CAST: variants seen among roughly 807,000 people sequenced by gnomAD.
CAST encodes MIR583 host.
CAST carries 76 observed loss-of-function variants against 119.6 expected under a neutral mutation model. That is an observed-to-expected ratio of 0.64 (90% CI 0.53 to 0.77). The LOEUF (loss-of-function observed/expected upper bound fraction) is 0.77, where lower values mean the gene tolerates loss of function less well. Among genes scored for constraint, CAST ranks in the 30% least tolerant of loss-of-function variants. The pLI is 0.00. For synonymous variants in CAST, 319 were observed against 331.6 expected (o/e 0.96, Z 0.41); for missense variants, 953 against 946.5 (o/e 1.01, Z -0.09).
At chr5:96,138,864 T>C in the CAST span, among the ~76,000 whole-genome samples, 1 of 152,040 alleles carries the variant, frequency 6.6e-6, no homozygotes, top group Admixed American at 6.6e-5. Flanking sequence ...CAATCATTGC[T>C]ATTTGTAAAT....
intron 1 of CAST, among the ~76,000 whole-genome samples, chr5:96,656,090 T>C (rs1040906656): frequency 8.5e-5 from 13 of 152,236 alleles, no homozygotes; most frequent in Admixed American, 6.5e-4. Context: ...TACCTGATCA[T>C]AGATAATGAA....
At chr5:96,108,370 C>T in the CAST span, among the ~76,000 whole-genome samples, 1 of 152,184 alleles carries the variant, frequency 6.6e-6, no homozygotes, top group Non-Finnish European at 1.5e-5. Context: ...TACTTTTGGT[C>T]TTTAATGATG....
chr5:96,657,038 G>C (rs1477838468), intron 1 of CAST, among the ~76,000 whole-genome samples: 2 of 152,116 alleles, frequency 1.3e-5, no homozygotes, highest in Non-Finnish European at 2.9e-5. Context: ...CAAATGCAGG[G>C]AAAGAAACAA....
At chr5:96,009,288 T>C in the CAST span, among the ~76,000 whole-genome samples, 1 of 152,192 alleles carries the variant, frequency 6.6e-6, no homozygotes, top group East Asian at 1.9e-4. Flanking sequence ...GATTGTATCT[T>C]TTTGGTAGAA....
chr5:96,685,124 T>C (rs975243323), intron 2 of CAST, among the ~76,000 whole-genome samples: 1 of 151,862 alleles, frequency 6.6e-6, no homozygotes, highest in Non-Finnish European at 1.5e-5. Context: ...TTTAGATTTA[T>C]GAGCTGAATT....
chr5:96,473,864 C>G, the CAST span, among the ~76,000 whole-genome samples: 1 of 152,174 alleles, frequency 6.6e-6, no homozygotes, highest in Admixed American at 6.5e-5. Context: ...GCTACAGAAA[C>G]TGTCCCAATG....
the CAST span, among the ~76,000 whole-genome samples, chr5:96,117,840 T>C: frequency 3.3e-5 from 5 of 152,214 alleles, no homozygotes; most frequent in African/African-American, 4.8e-5. Flanking sequence ...AGAACCAATC[T>C]TGGGAAAAAA....
At chr5:96,459,133 C>T in the CAST span, among the ~76,000 whole-genome samples, 1 of 152,208 alleles carries the variant, frequency 6.6e-6, no homozygotes, top group East Asian at 1.9e-4. Context: ...CCAACACTGT[C>T]CCTTCTGCTT....
the CAST span, among the ~76,000 whole-genome samples, chr5:96,479,565 T>A: frequency 1.3e-5 from 2 of 151,266 alleles, no homozygotes; most frequent in Non-Finnish European, 2.9e-5. Context: ...TTCTCCTGCC[T>A]CAACCTCCCC....
chr5:95,974,851 A>C, the CAST span, among the ~76,000 whole-genome samples: 1 of 152,220 alleles, frequency 6.6e-6, no homozygotes, highest in African/African-American at 2.4e-5. Context: ...ATACATTTTA[A>C]AATATTGATA....
chr5:96,271,775 A>G, the CAST span, among the ~76,000 whole-genome samples: 5 of 152,206 alleles, frequency 3.3e-5, no homozygotes, highest in African/African-American at 1.2e-4. Flanking sequence ...ATATGAAGCT[A>G]AAAACTTCTG....
At chr5:96,329,356 A>G in the CAST span, among the ~76,000 whole-genome samples, 1 of 152,246 alleles carries the variant, frequency 6.6e-6, no homozygotes. Flanking sequence ...TCTTATTAGG[A>G]ATTTCAACTC....
chr5:96,206,743 C>T, the CAST span, among the ~76,000 whole-genome samples: 1 of 152,070 alleles, frequency 6.6e-6, no homozygotes, highest in Non-Finnish European at 1.5e-5. Context: ...AATGTGATGC[C>T]TCCGGCTTGT....
At chr5:96,631,937 G>C (rs1351488092) in intron 1 of CAST, among the ~76,000 whole-genome samples, 1 of 151,928 alleles carries the variant, frequency 6.6e-6, no homozygotes, top group African/African-American at 2.4e-5. Context: ...TTTTCACAGG[G>C]GCTGTACCAT....
At chr5:96,224,628 C>T in the CAST span, among the ~76,000 whole-genome samples, 20 of 152,290 alleles carry the variant, frequency 1.3e-4, no homozygotes, top group Non-Finnish European at 2.9e-5. Context: ...AAGCAAGGTC[C>T]TGTCAACATT....
the CAST span, among the ~76,000 whole-genome samples, chr5:96,021,115 A>T: frequency 6.6e-6 from 1 of 152,192 alleles, no homozygotes; most frequent in Admixed American, 6.5e-5. Flanking sequence ...GAAGTATTAG[A>T]AATACAGAAT....
the CAST span, among the ~76,000 whole-genome samples, chr5:96,445,870 G>T: frequency 6.6e-6 from 1 of 152,046 alleles, no homozygotes; most frequent in Non-Finnish European, 1.5e-5. Flanking sequence ...TTCTTTTGAG[G>T]CAGGGTCTTA....
At chr5:96,014,737 G>A in the CAST span, among the ~76,000 whole-genome samples, 1 of 152,168 alleles carries the variant, frequency 6.6e-6, no homozygotes, top group South Asian at 2.1e-4. Flanking sequence ...CCAGTGGGGG[G>A]TTGGGGGTAG....
At chr5:96,692,181 G>T (rs1752802228) in intron 2 of CAST, among the ~76,000 whole-genome samples, 1 of 152,162 alleles carries the variant, frequency 6.6e-6, no homozygotes, top group Non-Finnish European at 1.5e-5. Context: ...TGAGTATGCA[G>T]ATCTAGTGAG....
Sources: gnomAD v4.1 joint callset for allele counts (sites outside exome capture counted in the v4.1 genomes callset) on GRCh38, gnomAD v4.1.1 for gene constraint, MANE v1.5 for transcripts, NCBI Gene and HGNC (gene_info 2026-07-23, HGNC 2026-07-21) for gene names.